The following FBLN7 variants were observed in gnomAD, a reference collection of about 807,000 sequenced individuals.
The protein encoded by FBLN7 is fibulin-7.
FBLN7 carries 31 observed loss-of-function variants against 44.0 expected under a neutral mutation model. That is an observed-to-expected ratio of 0.70 (90% confidence interval 0.53 to 0.95). The LOEUF (loss-of-function observed/expected upper bound fraction) is 0.95. FBLN7 is among the 40% of genes least tolerant of loss of function. The pLI is 0.00. For missense variants in FBLN7, 573 were observed against 618.5 expected (o/e 0.93, Z 0.78); for synonymous variants, 262 against 253.4 (o/e 1.03, Z -0.32).
chr2:112,223,448 C>CT, the FBLN7 span, among the ~76,000 whole-genome samples: 3 of 151,960 alleles, frequency 2.0e-5, no homozygotes, highest in South Asian at 2.1e-4. Flanking sequence ...TAGCAGAAAG[C>CT]TTTTTTTAGC....
At position 112,140,178 on chromosome 2, in the gene FBLN7, CGTCCCTCCCGCCTCTCTCCAGGCCAGT is replaced by C. The variant is rs1680562251; in HGVS notation, c.75+1468_75+1494del. ...TCCCTCCCGCCTCTCTCCAGGCCAGCGTCCCTCCCGCCTCTCTCCAGGCCAGTGTCCCTCCCGCCTCTCTCCCCTGTC... is the reference window on the plus strand; with the variant it reads ...TCCCTCCCGCCTCTCTCCAGGCCAGCGTCCCTCCCGCCTCTCTCCCCTGTC... On this transcript the variant is annotated intron_variant, in intron 1 of 7. Coordinates refer to ENST00000331203, the MANE Select transcript of FBLN7 (RefSeq NM_153214.3). Among the ~76,000 whole-genome samples, 3 of 110,992 alleles carry C rather than the reference CGTCCCTCCCGCCTCTCTCCAGGCCAGT, an allele frequency of 2.7e-5. No homozygotes were observed. In the South Asian group the frequency reaches 9.0e-4, roughly 33 times the overall value. 72.8% of individuals were successfully genotyped at this position (110,992 alleles called of 152,430 possible).
the FBLN7 span, among the ~76,000 whole-genome samples, chr2:112,197,279 AG>A: frequency 7.1e-5 from 6 of 85,036 alleles, no homozygotes; most frequent in African/African-American, 3.0e-4. Context: ...ACACACAGAG[AG>A]AGAGAGAGAG....
the FBLN7 span, among the ~76,000 whole-genome samples, chr2:112,230,240 G>T: frequency 1.6e-4 from 25 of 152,264 alleles, no homozygotes; most frequent in Admixed American, 1.4e-3. Context: ...GGCAAGTGTA[G>T]AATGACAGTT....
At chr2:112,210,909 G>C in the FBLN7 span, among the ~76,000 whole-genome samples, 7 of 152,126 alleles carry the variant, frequency 4.6e-5, no homozygotes, top group African/African-American at 1.7e-4. Flanking sequence ...AAGGAATCTG[G>C]GCTGCTTGGA....
At chr2:112,233,225 T>C in the FBLN7 span, 1 of 1,204,054 alleles carries the variant, frequency 8.3e-7, no homozygotes, top group Non-Finnish European at 1.1e-6. Context: ...CATGTAAATA[T>C]TTATAAAGTC....
the FBLN7 span, among the ~76,000 whole-genome samples, chr2:112,234,887 A>G: frequency 7.2e-5 from 11 of 152,308 alleles, no homozygotes; most frequent in African/African-American, 2.6e-4. Flanking sequence ...AGAGTGGTAG[A>G]GACAAAGTTG....
At chr2:112,233,246 G>A in the FBLN7 span, 98 of 1,439,822 alleles carry the variant, frequency 6.8e-5, no homozygotes, top group African/African-American at 1.3e-3. Flanking sequence ...ACCATATCTT[G>A]TGATAAAGGA....
At chr2:112,194,044 T>C in the FBLN7 span, among the ~76,000 whole-genome samples, 1 of 152,282 alleles carries the variant, frequency 6.6e-6, no homozygotes, top group South Asian at 2.1e-4. Flanking sequence ...AGGGGAATAG[T>C]TTCTATTTGC....
intron 2 of FBLN7, among the ~76,000 whole-genome samples, chr2:112,160,720 G>GCA (rs1558879794): frequency 9.2e-5 from 12 of 130,962 alleles, no homozygotes; most frequent in African/African-American, 3.6e-4. Flanking sequence ...ACACAAGCAC[G>GCA]CGCACACGCA....
chr2:112,160,771 CAG>C (rs3080948), intron 2 of FBLN7, among the ~76,000 whole-genome samples: 547 of 41,532 alleles, frequency 0.013, 13 homozygotes, highest in African/African-American at 0.04. Context: ...CACGCACACG[CAG>C]ACGCACACGC....
At chr2:112,168,149 C>T (rs1253357249) in intron 3 of FBLN7, among the ~76,000 whole-genome samples, 1 of 152,140 alleles carries the variant, frequency 6.6e-6, no homozygotes, top group African/African-American at 2.4e-5. Context: ...CTTGGACGTA[C>T]CAGTTCATTC....
chr2:112,238,013 T>C, the FBLN7 span, among the ~76,000 whole-genome samples: 4 of 152,176 alleles, frequency 2.6e-5, no homozygotes, highest in Non-Finnish European at 5.9e-5. Context: ...CAAGCAGGCA[T>C]ATCCTATCCT....
chr2:112,155,602 G>A (rs1681371515), intron 1 of FBLN7, among the ~76,000 whole-genome samples: 1 of 152,214 alleles, frequency 6.6e-6, no homozygotes, highest in Admixed American at 6.5e-5. Context: ...CGCCTGGGAC[G>A]GAGATGCAGC....
chr2:112,162,762 C>A (rs557367905), intron 2 of FBLN7, among the ~76,000 whole-genome samples: 12 of 152,216 alleles, frequency 7.9e-5, no homozygotes, highest in African/African-American at 2.9e-4. Flanking sequence ...CTATTAAGTG[C>A]CAGATACTGT....
At chr2:112,153,387 G>C (rs1441939963) in intron 1 of FBLN7, 1 of 152,200 alleles carries the variant, frequency 6.6e-6, no homozygotes, top group African/African-American at 2.4e-5. Context: ...TCCAAGTCTA[G>C]GGGTCATCCG....
chr2:112,192,701 T>G (rs761702918), downstream of FBLN7, among the ~76,000 whole-genome samples: 1 of 152,216 alleles, frequency 6.6e-6, no homozygotes, highest in Non-Finnish European at 1.5e-5. Flanking sequence ...GTCCCTCGAA[T>G]GGGTTGCTCA....
intron 3 of FBLN7, among the ~76,000 whole-genome samples, chr2:112,171,490 TCC>T (rs1558887291): frequency 6.6e-6 from 1 of 151,532 alleles, no homozygotes; most frequent in Non-Finnish European, 1.5e-5. Flanking sequence ...ATGAGGCCTT[TCC>T]CCCGAGACCT....
chr2:112,171,349 C>T (rs892618061), intron 3 of FBLN7, among the ~76,000 whole-genome samples: 10 of 151,970 alleles, frequency 6.6e-5, no homozygotes, highest in African/African-American at 2.2e-4. Context: ...CGAAAGGAGA[C>T]AGGAGGGGCC....
chr2:112,216,981 CT>C, the FBLN7 span, among the ~76,000 whole-genome samples: 611 of 152,298 alleles, frequency 4.0e-3, 1 homozygote, highest in Non-Finnish European at 6.7e-3. Flanking sequence ...TCTTAATCCA[CT>C]TATCAAAAGA....
Sources: gnomAD v4.1 joint callset for allele counts (sites outside exome capture counted in the v4.1 genomes callset) on GRCh38, gnomAD v4.1.1 for gene constraint, MANE v1.5 for transcripts, NCBI Gene and HGNC (gene_info 2026-07-23, HGNC 2026-07-21) for gene names.